Variants in PPP3CA observed in about 807,000 individuals in gnomAD.
PPP3CA encodes the protein protein phosphatase 3 catalytic subunit alpha.
A neutral mutation model predicts 66.5 loss-of-function variants in PPP3CA; 14 were observed. That is an observed-to-expected ratio of 0.21 (90% confidence interval 0.14 to 0.33). The LOEUF (loss-of-function observed/expected upper bound fraction) is 0.33. Ranked by LOEUF, PPP3CA falls within the 10% of genes least tolerant of loss-of-function variation. The pLI is 1.00. For missense variants in PPP3CA, 317 were observed against 639.5 expected, an observed-to-expected ratio of 0.50 and a Z score of 5.44; for synonymous variants, 232 against 226.2, an observed-to-expected ratio of 1.03 and a Z score of -0.23.
chr4:101,298,810 G>A (rs765734915), intron 1 of PPP3CA, among the ~76,000 whole-genome samples: 16 of 151,066 alleles, frequency 1.1e-4, no homozygotes, highest in Non-Finnish European at 2.1e-4. Context: ...AGGGGTCAGT[G>A]CCCCAAGTCC....
At chr4:101,083,140 G>C (rs1295095928) in intron 7 of PPP3CA, 46 bp downstream of exon 7, 23 of 1,346,646 alleles carry the variant, frequency 1.7e-5, no homozygotes, top group Non-Finnish European at 2.1e-5. Context: ...GGAAGTTCTG[G>C]AAAATGGACA....
intron 1 of PPP3CA, among the ~76,000 whole-genome samples, chr4:101,269,886 T>C (rs935470745): frequency 1.3e-5 from 2 of 152,068 alleles, no homozygotes; most frequent in Admixed American, 6.6e-5. Flanking sequence ...AAGCTGCTCA[T>C]TGGTTTTTCC....
intron 6 of PPP3CA, among the ~76,000 whole-genome samples, chr4:101,084,777 G>C (rs1578431058): frequency 6.6e-6 from 1 of 152,180 alleles, no homozygotes; most frequent in South Asian, 2.1e-4. Flanking sequence ...TGTTTTGTAA[G>C]AGAAAGGGAG....
intron 8 of PPP3CA, among the ~76,000 whole-genome samples, chr4:101,065,840 T>C (rs1728657525): frequency 6.6e-6 from 1 of 152,276 alleles, no homozygotes; most frequent in East Asian, 1.9e-4. Flanking sequence ...TCTCATCCAA[T>C]AGATAAAACA....
intron 10 of PPP3CA, among the ~76,000 whole-genome samples, chr4:101,052,467 T>A (rs1728052932): frequency 1.3e-5 from 2 of 151,942 alleles, no homozygotes; most frequent in Non-Finnish European, 2.9e-5. Flanking sequence ...TTATAAAGGG[T>A]ATATTCTGTA....
At chr4:101,117,547 T>C (rs749425600) in intron 2 of PPP3CA, among the ~76,000 whole-genome samples, 1 of 151,814 alleles carries the variant, frequency 6.6e-6, no homozygotes, top group Non-Finnish European at 1.5e-5. Flanking sequence ...TTTTCCATTT[T>C]AGCACCAAAT....
intron 3 of PPP3CA, among the ~76,000 whole-genome samples, chr4:101,106,264 T>A (rs1730664862): frequency 6.6e-6 from 1 of 151,328 alleles, no homozygotes; most frequent in Non-Finnish European, 1.5e-5. Context: ...GAAGCTGCAG[T>A]GAGCTATGAC....
chr4:101,161,704 A>C (rs1723514711), intron 2 of PPP3CA, among the ~76,000 whole-genome samples: 2 of 152,196 alleles, frequency 1.3e-5, no homozygotes, highest in African/African-American at 4.8e-5. Flanking sequence ...ATTCTGAACA[A>C]ATTCAAGTAA....
intron 1 of PPP3CA, among the ~76,000 whole-genome samples, chr4:101,301,499 T>A (rs1728375881): frequency 6.8e-6 from 1 of 146,030 alleles, no homozygotes; most frequent in African/African-American, 2.5e-5. Flanking sequence ...TATGTAATTT[T>A]TTTTTTTTTT....
intron 5 of PPP3CA, among the ~76,000 whole-genome samples, chr4:101,095,824 G>C (rs1247366366): frequency 2.6e-5 from 4 of 152,104 alleles, no homozygotes; most frequent in African/African-American, 2.4e-5. Context: ...GCTAATTTTT[G>C]TATTTTCAGT....
intron 6 of PPP3CA, among the ~76,000 whole-genome samples, chr4:101,092,790 C>T (rs1055667623): frequency 3.3e-5 from 5 of 152,092 alleles, no homozygotes; most frequent in Admixed American, 6.6e-5. Context: ...ATGAACACAT[C>T]CTTTTTTATG....
intron 10 of PPP3CA, among the ~76,000 whole-genome samples, chr4:101,058,274 C>T (rs1253150316): frequency 6.6e-6 from 1 of 151,974 alleles, no homozygotes; most frequent in Non-Finnish European, 1.5e-5. Flanking sequence ...ATTTTGAAAA[C>T]ACAAATCTTA....
At chr4:101,223,112 C>T (rs912916037) in intron 1 of PPP3CA, among the ~76,000 whole-genome samples, 6 of 151,772 alleles carry the variant, frequency 4.0e-5, no homozygotes, top group Admixed American at 3.9e-4. Context: ...CTGCACTTCC[C>T]CCATGAAGAA....
chr4:101,125,864 T>C (rs1169466329), intron 2 of PPP3CA, among the ~76,000 whole-genome samples: 1 of 152,190 alleles, frequency 6.6e-6, no homozygotes, highest in Non-Finnish European at 1.5e-5. Context: ...GACATTTTAT[T>C]CTTTAGTTTA....
At chr4:101,225,790 A>G (rs1725763180) in intron 1 of PPP3CA, among the ~76,000 whole-genome samples, 2 of 151,820 alleles carry the variant, frequency 1.3e-5, no homozygotes, top group African/African-American at 4.8e-5. Context: ...TCTCTAAAAC[A>G]TCTGGGATAC....
At chr4:101,028,980 G>GAAAC (rs761772918) in intron 13 of PPP3CA, among the ~76,000 whole-genome samples, 186 bp downstream of exon 13, 2 of 152,062 alleles carry the variant, frequency 1.3e-5, no homozygotes, top group Non-Finnish European at 2.9e-5. Context: ...TTAAGGGAAA[G>GAAAC]AAACAAACAA....
chr4:101,184,308 C>T (rs989531991), intron 2 of PPP3CA, among the ~76,000 whole-genome samples: 7 of 152,124 alleles, frequency 4.6e-5, no homozygotes, highest in Admixed American at 2.0e-4. Flanking sequence ...AGCTTGAGGC[C>T]CAGAATCAGT....
chr4:101,314,569 CAAAAAAA>C (rs748980814), intron 1 of PPP3CA, among the ~76,000 whole-genome samples: 3 of 75,256 alleles, frequency 4.0e-5, no homozygotes, highest in Non-Finnish European at 7.6e-5. Flanking sequence ...ATCTCAAAAC[CAAAAAAA>C]AAAAAAAAAA....
intron 2 of PPP3CA, among the ~76,000 whole-genome samples, chr4:101,153,134 C>T (rs913319953): frequency 5.3e-5 from 8 of 151,910 alleles, no homozygotes; most frequent in South Asian, 2.1e-4. Context: ...AGTGGTAGGA[C>T]GGTAAAGTGT....
Sources: allele counts gnomAD v4.1 joint callset (sites outside exome capture counted in the v4.1 genomes callset), GRCh38; gene constraint gnomAD v4.1.1; transcripts MANE v1.5; gene names NCBI Gene and HGNC (gene_info 2026-07-23, HGNC 2026-07-21).